NR5A2: variants seen among roughly 807,000 people sequenced by gnomAD.
The protein encoded by NR5A2 is nuclear receptor subfamily 5 group A member 2.
Under a neutral mutation model 62.7 loss-of-function variants are expected in NR5A2, and 26 were observed. That is an observed-to-expected ratio of 0.41 (90% CI 0.30 to 0.58). The LOEUF is 0.58. Ranked by LOEUF, NR5A2 falls within the 20% of genes least tolerant of loss-of-function variation. The probability of loss-of-function intolerance (pLI) is 0.22; values close to 1 mark genes in which losing one functional copy is unlikely to be tolerated. For missense variants in NR5A2, 541 were observed against 669.1 expected (o/e 0.81, Z 2.11); for synonymous variants, 246 against 241.7 (o/e 1.02, Z -0.16).
At chr1:200,168,690 C>T (rs543754804) in intron 7 of NR5A2, among the ~76,000 whole-genome samples, 1 of 152,186 alleles carries the variant, frequency 6.6e-6, no homozygotes, top group African/African-American at 2.4e-5. Context: ...GTTTAGGTGT[C>T]AGCACCAAAA....
intron 5 of NR5A2, among the ~76,000 whole-genome samples, chr1:200,074,282 T>C (rs994449986): frequency 2.6e-5 from 4 of 151,834 alleles, no homozygotes; most frequent in African/African-American, 7.3e-5. Flanking sequence ...ATTGTAAGAC[T>C]GTAGTTAAAA....
intron 6 of NR5A2, among the ~76,000 whole-genome samples, chr1:200,119,096 T>G (rs1424444790): frequency 6.6e-6 from 1 of 152,176 alleles, no homozygotes; most frequent in Non-Finnish European, 1.5e-5. Context: ...TTGACACCTT[T>G]GGGGGTCATC....
At chr1:200,095,566 T>C (rs1188267236) in intron 5 of NR5A2, among the ~76,000 whole-genome samples, 1 of 151,870 alleles carries the variant, frequency 6.6e-6, no homozygotes, top group East Asian at 2.0e-4. Context: ...ATATATTTTT[T>C]TTTTGAGATG....
chr1:200,075,669 G>A (rs1479782696), intron 5 of NR5A2, among the ~76,000 whole-genome samples: 1 of 152,194 alleles, frequency 6.6e-6, no homozygotes, highest in Non-Finnish European at 1.5e-5. Flanking sequence ...AAAAGCCAAA[G>A]TCGCACATCT....
rs895312674 is a variant in NR5A2, at chr1:200,040,913, TCCTGGGGTCTCCC to T, written c.202+1120_202+1132del. 5.3e-5 allele frequency among the ~76,000 whole-genome samples: 8 copies of T among 152,330 alleles called. No individual in the cohort carries two copies. In the South Asian group the frequency reaches 1.2e-3, roughly 24 times the overall value. Reference sequence around the variant, plus strand: ...TTGTGATCCGTTACCCCATCGGTCATCCTGGGGTCTCCCCAAGCCTCTAGGTAGGGCTGTGAGA... The same window carrying T: ...TTGTGATCCGTTACCCCATCGGTCATCAAGCCTCTAGGTAGGGCTGTGAGA... On this transcript the variant is annotated intron_variant, in intron 2 of 7. Transcript: ENST00000367362.
At position 200,043,805 on chromosome 1, in the gene NR5A2, T is replaced by C. The variant is rs756044305; in HGVS notation, c.234T>C (p.Tyr78=). ...VSQFKMVNYS[Y]DEDLEELCPV... ...AATTTAAAATGGTGAATTACTCCTA[T>C]GATGAAGATCTGGAAGAGCTTTGTC... Residue 78 remains tyrosine, a synonymous_variant, in exon 3 of 8, where the codon TAT becomes TAC. Coordinates refer to ENST00000367362, the MANE Select transcript of NR5A2 (RefSeq NM_205860.3). 1.2e-6 allele frequency: 2 copies of C among 1,613,446 alleles called. No homozygotes were observed. The highest frequency in any genetic ancestry group is 4.5e-5 in the East Asian group (2 of 44,860).
At chr1:200,084,670 G>A (rs543969168) in intron 5 of NR5A2, among the ~76,000 whole-genome samples, 4 of 152,164 alleles carry the variant, frequency 2.6e-5, no homozygotes, top group East Asian at 1.9e-4. Flanking sequence ...GCCATTATTC[G>A]TAATGAATAA....
intron 5 of NR5A2, among the ~76,000 whole-genome samples, chr1:200,053,569 G>GCGCACACACACACACA (rs374944913): frequency 1.9e-4 from 27 of 142,104 alleles, no homozygotes; most frequent in African/African-American, 5.6e-4. Context: ...GCATGCACAC[G>GCGCACACACACACACA]CACACACACA....
At chr1:200,049,478 G>T (rs1306197606) in intron 5 of NR5A2, among the ~76,000 whole-genome samples, 1 of 152,124 alleles carries the variant, frequency 6.6e-6, no homozygotes, top group Non-Finnish European at 1.5e-5. Flanking sequence ...GATTTTAGTG[G>T]ACTGGTACAT....
chr1:200,090,674 C>T (rs1007503217), intron 5 of NR5A2, among the ~76,000 whole-genome samples: 1 of 152,198 alleles, frequency 6.6e-6, no homozygotes, highest in African/African-American at 2.4e-5. Flanking sequence ...AGATCAGGGA[C>T]ATCCAGGGGA....
At chr1:200,122,065 A>C (rs560890027) in intron 7 of NR5A2, among the ~76,000 whole-genome samples, 1 of 152,360 alleles carries the variant, frequency 6.6e-6, no homozygotes, top group Admixed American at 6.5e-5. Flanking sequence ...AAAATGTGAT[A>C]AATACAGCAA....
intron 1 of NR5A2, chr1:200,038,797 C>A: frequency 7.7e-7 from 1 of 1,301,324 alleles, no homozygotes; most frequent in Non-Finnish European, 1.0e-6. Flanking sequence ...CATTTACATC[C>A]CCCCGCCCCG....
In NR5A2 at chr1:200,038,716, G is replaced by T. The variant is rs774126574; in HGVS notation, c.65-942G>T. On this transcript the variant is annotated intron_variant, in intron 1 of 7. Transcript: ENST00000367362. ...TTCCCCTCAGATCGAGGAAATTGCC[G>T]CTCTGGCTGCTTCTCCTTCGCCGCC... 34 of 1,365,788 alleles carry T rather than the reference G, an allele frequency of 2.5e-5. No homozygotes were observed. In the South Asian group the frequency reaches 3.9e-4, roughly 16 times the overall value. The allele number at this position is 1,365,788 out of a possible 1,614,324, so 84.6% of individuals were successfully genotyped here.
intron 5 of NR5A2, among the ~76,000 whole-genome samples, chr1:200,061,275 C>CCT (rs1553267382): frequency 8.1e-6 from 1 of 122,878 alleles, no homozygotes; most frequent in African/African-American, 3.2e-5. Flanking sequence ...TCGGGATTAA[C>CCT]TTTTTTTTTT....
intron 5 of NR5A2, among the ~76,000 whole-genome samples, chr1:200,094,319 G>A (rs1195533251): frequency 1.3e-5 from 2 of 151,368 alleles, no homozygotes; most frequent in Non-Finnish European, 2.9e-5. Flanking sequence ...AGAATAGCTG[G>A]GGTTACAGGC....
intron 1 of NR5A2, among the ~76,000 whole-genome samples, chr1:200,033,278 A>G (rs995248692): frequency 1.3e-5 from 2 of 152,210 alleles, no homozygotes; most frequent in East Asian, 1.9e-4. Context: ...TACTTGTTAT[A>G]GAGTCAGTGA....
At chr1:200,035,773 G>C (rs552280865) in intron 1 of NR5A2, among the ~76,000 whole-genome samples, 5 of 152,300 alleles carry the variant, frequency 3.3e-5, no homozygotes, top group Admixed American at 6.5e-5. Flanking sequence ...AGTCAGAACC[G>C]GGAAGGGCGA....
chr1:200,109,245 C>A (rs1197114406), intron 5 of NR5A2, among the ~76,000 whole-genome samples: 1 of 152,124 alleles, frequency 6.6e-6, no homozygotes, highest in African/African-American at 2.4e-5. Context: ...CTGGGGGATG[C>A]CTTTTCCTGA....
rs140704739 is a variant in NR5A2, at chr1:200,048,416, C to A, written c.708C>A (p.Asp236Glu). 120 of 1,614,090 alleles carry A rather than the reference C, an allele frequency of 7.4e-5. No individual in the cohort carries two copies. The highest frequency in any genetic ancestry group is 9.7e-5 in the Non-Finnish European group (114 of 1,180,046). ...NHAALPPTDY[D>E]RSPFVTSPIS... ...CTGCCTTGCCTCCTACAGACTATGA[C>A]AGAAGTCCCTTTGTAACATCCCCCA... Residue 236 changes from aspartate (D) to glutamate (E), a missense_variant, in exon 5 of 8, where the codon GAC becomes GAA. Around this residue, in one of 3 missense-constraint regions of NR5A2, gnomAD observed 379 missense variants for 442.0 expected, o/e 0.86. Coordinates refer to ENST00000367362, the MANE Select transcript of NR5A2 (RefSeq NM_205860.3). This position sits in a 1 kb window ranked among gnomAD's most constrained non-coding sequence, Gnocchi z 4.8.
Sources: allele counts gnomAD v4.1 joint callset (sites outside exome capture counted in the v4.1 genomes callset), GRCh38; gene constraint gnomAD v4.1.1; regional missense constraint gnomAD v4.1.1; non-coding constraint Gnocchi (gnomAD v3.1); transcripts MANE v1.5; gene names NCBI Gene and HGNC (gene_info 2026-07-23, HGNC 2026-07-21).